Variants in HFM1 observed in about 807,000 individuals in gnomAD.
HFM1 encodes the protein probable ATP-dependent DNA helicase HFM1.
HFM1 carries 169 observed loss-of-function variants against 192.1 expected under a neutral mutation model. That is an observed-to-expected ratio of 0.88 (90% CI 0.78 to 1.00). HFM1 has a LOEUF of 1.00. Among genes scored for constraint, HFM1 ranks in the 50% least tolerant of loss-of-function variants. The probability of loss-of-function intolerance (pLI) is 0.00; values close to 1 mark genes in which losing one functional copy is unlikely to be tolerated. For synonymous variants in HFM1, 525 were observed against 537.8 expected (o/e 0.98, Z 0.33); for missense variants, 1,661 against 1,668.0 (o/e 1.00, Z 0.07).
At chr1:91,276,794 T>C (rs1440488565) in intron 31 of HFM1, 51 bp from the exon 32 acceptor site, 1 of 965,150 alleles carries the variant, frequency 1.0e-6, no homozygotes, top group Non-Finnish European at 1.5e-6. Context: ...ATCTTATTCT[T>C]ATAAAGTCAA....
intron 30 of HFM1, among the ~76,000 whole-genome samples, chr1:91,277,693 TAA>T (rs1289065704): frequency 3.2e-5 from 4 of 126,506 alleles, no homozygotes; most frequent in Non-Finnish European, 6.3e-5. Flanking sequence ...TAATATATAC[TAA>T]TATATATTAT....
intron 4 of HFM1, among the ~76,000 whole-genome samples, chr1:91,392,940 CTG>C (rs1663197268): frequency 6.6e-6 from 1 of 151,798 alleles, no homozygotes; most frequent in Non-Finnish European, 1.5e-5. Context: ...TGAAGAGTAA[CTG>C]TTAATTAGTA....
chr1:91,336,148 C>A (rs1486885555), intron 20 of HFM1, among the ~76,000 whole-genome samples: 1 of 150,096 alleles, frequency 6.7e-6, no homozygotes, highest in African/African-American at 2.5e-5. Flanking sequence ...CTCCTACCCT[C>A]CCCTCCTCCT....
In HFM1 at chr1:91,323,298, TCA is replaced by T. The variant is rs1570949676; in HGVS notation, c.2428-101_2428-100del. ...TTATTTTTCATACTGCCTTAAACCATCACAGTTTTATCAATGAACATAACAGA... is the reference window on the plus strand; with the variant it reads ...TTATTTTTCATACTGCCTTAAACCATCAGTTTTATCAATGAACATAACAGA... On this transcript the variant is annotated intron_variant, in intron 21 of 38. Transcript: ENST00000370425. 9 of 716,802 alleles carry T rather than the reference TCA, an allele frequency of 1.3e-5. No individual in the cohort carries two copies. In the East Asian group the frequency reaches 1.9e-4, roughly 15 times the overall value. The allele number at this position is 716,802 out of a possible 1,614,324, so 44.4% of individuals were successfully genotyped here.
intron 29 of HFM1, 145 bp downstream of exon 29, chr1:91,313,812 C>T: frequency 2.1e-6 from 1 of 474,206 alleles, no homozygotes; most frequent in Non-Finnish European, 3.7e-6. Flanking sequence ...CATGAAACTT[C>T]CTTTGAAGTT....
intron 34 of HFM1, among the ~76,000 whole-genome samples, chr1:91,272,377 A>G (rs936631497): frequency 2.0e-5 from 3 of 152,116 alleles, no homozygotes; most frequent in Non-Finnish European, 4.4e-5. Flanking sequence ...ACTTCTTAAA[A>G]AAAAAATGGC....
intron 30 of HFM1, among the ~76,000 whole-genome samples, chr1:91,301,119 C>G (rs1296082676): frequency 6.6e-6 from 1 of 152,106 alleles, no homozygotes; most frequent in East Asian, 1.9e-4. Context: ...GCAAAAATCA[C>G]AAGCATTCTT....
At position 91,262,531 on chromosome 1, in the gene HFM1, T is replaced by G; in HGVS notation, c.4036A>C (p.Ser1346Arg). 1 of 1,609,012 alleles carries G rather than the reference T, an allele frequency of 6.2e-7. No individual in the cohort carries two copies. The highest frequency in any genetic ancestry group is 8.5e-7 in the Non-Finnish European group (1 of 1,176,570). The change falls in exon 37 of 39, where the codon AGT becomes CGT. Residue 1346 changes from serine (S) to arginine (R), a missense_variant. By Grantham distance (110) the Ser-to-Arg change is moderately radical. Coordinates refer to ENST00000370425, the MANE Select transcript of HFM1 (RefSeq NM_001017975.6). ...SLSNSAMPKFSASSMTKLPQQ... is the reference protein window; with the variant it reads ...SLSNSAMPKFRASSMTKLPQQ... ...GGTAATTTTGTCATGGAGGATGCAC[T>G]GAACTTGGGCATAGCAGAATTTGAT...
chr1:91,369,295 C>G (rs958695034), intron 13 of HFM1, among the ~76,000 whole-genome samples: 4 of 152,296 alleles, frequency 2.6e-5, no homozygotes, highest in Non-Finnish European at 5.9e-5. Context: ...ACAGAATATA[C>G]ATTCTTTTCA....
intron 34 of HFM1, among the ~76,000 whole-genome samples, chr1:91,268,293 T>A (rs1315003966): frequency 1.3e-5 from 2 of 152,018 alleles, no homozygotes; most frequent in Non-Finnish European, 2.9e-5. Flanking sequence ...CTCCTCCAGA[T>A]CTTCTCCCTA....
chr1:91,311,768 G>A (rs1650493935), intron 30 of HFM1, among the ~76,000 whole-genome samples: 1 of 152,176 alleles, frequency 6.6e-6, no homozygotes, highest in African/African-American at 2.4e-5. Flanking sequence ...AGACCATGGG[G>A]AAAATGTCTC....
chr1:91,367,695 G>A (rs972420132), intron 13 of HFM1, among the ~76,000 whole-genome samples: 1 of 152,172 alleles, frequency 6.6e-6, no homozygotes, highest in African/African-American at 2.4e-5. Flanking sequence ...AAATCAGAGT[G>A]CCTATCCTCC....
At chr1:91,281,574 A>G (rs1667463027) in intron 30 of HFM1, among the ~76,000 whole-genome samples, 1 of 152,170 alleles carries the variant, frequency 6.6e-6, no homozygotes, top group African/African-American at 2.4e-5. Flanking sequence ...CTGGTGCTCA[A>G]TTTTGAGCAA....
At chr1:91,321,207 C>A (rs537097907) in intron 23 of HFM1, among the ~76,000 whole-genome samples, 2 of 152,128 alleles carry the variant, frequency 1.3e-5, no homozygotes, top group South Asian at 2.1e-4. Context: ...TTTGGGAGGC[C>A]GAGGCAGGTG....
upstream of HFM1, among the ~76,000 whole-genome samples, chr1:91,407,209 G>T (rs1664844910): frequency 6.6e-6 from 1 of 152,232 alleles, no homozygotes; most frequent in Non-Finnish European, 1.5e-5. Flanking sequence ...GCCCGTTGGG[G>T]GGTGAGGGGC....
chr1:91,387,955 AAAAC>A (rs1406651492), intron 4 of HFM1, among the ~76,000 whole-genome samples: 70 of 151,744 alleles, frequency 4.6e-4, no homozygotes, highest in African/African-American at 1.5e-3. Flanking sequence ...AAAGATTTTT[AAAAC>A]AAACAAACAA....
chr1:91,396,102 T>C (rs1177334337), intron 3 of HFM1, among the ~76,000 whole-genome samples, 191 bp downstream of exon 3: 1 of 152,114 alleles, frequency 6.6e-6, no homozygotes. Context: ...GACTTTCTAA[T>C]TCTTCCTTTA....
chr1:91,264,736 G>C (rs1393439519), intron 36 of HFM1, among the ~76,000 whole-genome samples: 1 of 151,860 alleles, frequency 6.6e-6, no homozygotes, highest in African/African-American at 2.4e-5. Flanking sequence ...AAAGTTGTTG[G>C]TATTTCTTCT....
chr1:91,277,051 T>G lies in HFM1; in HGVS notation c.3403A>C (p.Ser1135Arg). The G allele has an allele frequency of 6.3e-7, 1 of 1,589,576 alleles. No homozygotes were observed. The highest frequency in any genetic ancestry group is 1.7e-5 in the Admixed American group (1 of 57,906). ...IAGPNKGTTA[S>R]KKPGNRECNH... ...CATTCTCGGTTCCCAGGTTTTTTGC[T>G]GGCAGTCGTTCCTAAATTAATATAA... The change falls in exon 31 of 39, where the codon AGC becomes CGC. Residue 1135 changes from serine to arginine, a missense_variant. Ser to Arg is a moderately radical substitution (Grantham distance 110, BLOSUM62 -1). Transcript: ENST00000370425.
Sources: allele counts gnomAD v4.1 joint callset (sites outside exome capture counted in the v4.1 genomes callset), GRCh38; gene constraint gnomAD v4.1.1; transcripts MANE v1.5; gene names NCBI Gene and HGNC (gene_info 2026-07-23, HGNC 2026-07-21).